PHACTR4: variants seen among roughly 807,000 people sequenced by gnomAD.
PHACTR4 encodes phosphatase and actin regulator 4.
In PHACTR4, 51 loss-of-function variants were observed where a neutral mutation model predicts 72.7. The ratio of observed to expected loss-of-function variants is 0.70; its 90% CI spans 0.56 to 0.89. The LOEUF (loss-of-function observed/expected upper bound fraction) is 0.89, where lower values mean the gene tolerates loss of function less well. Among genes scored for constraint, PHACTR4 ranks in the 40% least tolerant of loss-of-function variants. The probability of loss-of-function intolerance (pLI) is 0.00; values close to 1 mark genes in which losing one functional copy is unlikely to be tolerated. For missense variants in PHACTR4, 731 were observed against 861.8 expected, an observed-to-expected ratio of 0.85 and a Z score of 1.90; for synonymous variants, 255 against 302.5, an observed-to-expected ratio of 0.84 and a Z score of 1.63.
At chr1:28,448,417 GGGAAAGGAAAAA>G (rs1232852126) in intron 2 of PHACTR4, among the ~76,000 whole-genome samples, 10 of 145,386 alleles carry the variant, frequency 6.9e-5, no homozygotes, top group African/African-American at 2.4e-4. Flanking sequence ...GAAAGGAAAG[GGGAAAGGAAAAA>G]GGAAAGGAAA....
intron 9 of PHACTR4, among the ~76,000 whole-genome samples, chr1:28,487,485 G>C: frequency 6.9e-6 from 1 of 143,918 alleles, no homozygotes; most frequent in African/African-American, 2.6e-5. Flanking sequence ...CTGCACTCTA[G>C]CCTGGGTACA....
chr1:28,423,688 T>C (rs567951129), intron 2 of PHACTR4, among the ~76,000 whole-genome samples: 2 of 152,334 alleles, frequency 1.3e-5, no homozygotes, highest in South Asian at 4.1e-4. Context: ...TTGCCAGTTT[T>C]TAACTTAGAC....
intron 2 of PHACTR4, among the ~76,000 whole-genome samples, chr1:28,422,267 A>G (rs1655556898): frequency 6.6e-6 from 1 of 152,210 alleles, no homozygotes; most frequent in South Asian, 2.1e-4. Flanking sequence ...CAGATTGAAA[A>G]TGCTTGGGGA....
chr1:28,411,655 A>C (rs1043356102), intron 2 of PHACTR4, among the ~76,000 whole-genome samples: 6 of 152,212 alleles, frequency 3.9e-5, no homozygotes, highest in African/African-American at 1.4e-4. Context: ...GCTAATAATT[A>C]AGTAGAAATA....
chr1:28,416,081 C>T (rs201297590), intron 2 of PHACTR4, among the ~76,000 whole-genome samples: 307 of 152,124 alleles, frequency 2.0e-3, no homozygotes, highest in Non-Finnish European at 4.0e-3. Context: ...CAAAATATGC[C>T]AGTAACATAG....
Position 28,459,225 on chromosome 1 carries a change from A to C in PHACTR4, c.157A>C (p.Lys53Gln). The C allele has an allele frequency of 6.2e-7, 1 of 1,613,938 alleles. No homozygotes were observed. Among genetic ancestry groups the C allele is most frequent in the Non-Finnish European group, 8.5e-7 (1 of 1,179,946 alleles). The stretch of plus-strand genomic sequence containing the variant: ...CAAGCCCTGGAAATGGAGGAAAAAA[A>C]AAAGTAGTGATAAATTTAAAGAGAC... The part of the protein sequence containing the change: ...IFKPWKWRKK[K>Q]SSDKFKETSE... The change falls in exon 3 of 14, where the codon AAA becomes CAA. Residue 53 changes from lysine (K) to glutamine (Q), a missense_variant. Physicochemically the swap from Lys to Gln is moderately conservative, Grantham distance 53 (BLOSUM62 1). Around this residue, in one of 2 missense-constraint regions of PHACTR4, gnomAD observed 621 missense variants for 676.6 expected, o/e 0.92. Transcript: ENST00000373839.
Position 28,468,063 on chromosome 1 carries a change from C to T in PHACTR4, c.823+1295C>T, listed in dbSNP as rs150750661. On this transcript the variant is annotated intron_variant, in intron 6 of 13. Transcript: ENST00000373839. ...ACCATGTTGGGTGGAGTGATTCAAA[C>T]CTTGAAAAACAGGCTTAGAATATTT... Among the ~76,000 whole-genome samples, 834 of 152,182 alleles carry T rather than the reference C, an allele frequency of 5.5e-3. 9 individuals are homozygous for T. Among genetic ancestry groups the T allele is most frequent in the Admixed American group, 0.018 (282 of 15,260 alleles).
chr1:28,402,351 G>A (rs374107411), intron 1 of PHACTR4, among the ~76,000 whole-genome samples: 1 of 152,136 alleles, frequency 6.6e-6, no homozygotes, highest in Admixed American at 6.6e-5. Context: ...TCCAAATAGA[G>A]TATTGAGTAT....
chr1:28,376,738 G>A (rs1651705982), intron 1 of PHACTR4, among the ~76,000 whole-genome samples: 2 of 151,950 alleles, frequency 1.3e-5, no homozygotes, highest in African/African-American at 4.8e-5. Flanking sequence ...CCGGGTTCAC[G>A]CCATTTTCCT....
Position 28,480,509 on chromosome 1 carries a change from A to G in PHACTR4, c.1665A>G (p.Arg555=), listed in dbSNP as rs1363686066. ...KDTLAMKLNH[R]PSEPELNLNS... ...CACTGGCAATGAAGTTGAACCACAG[A>G]CCCAGTGAACCAGAGTTGAACCTGA... The change falls in exon 9 of 14, where the codon AGA becomes AGG. Residue 555 remains arginine, a synonymous_variant. Transcript: ENST00000373839. 3 of 1,614,196 alleles carry G rather than the reference A, an allele frequency of 1.9e-6. No homozygotes were observed. Among genetic ancestry groups the G allele is most frequent in the Non-Finnish European group, 1.7e-6 (2 of 1,180,024 alleles).
At chr1:28,451,749 T>A (rs1352474635) in intron 2 of PHACTR4, among the ~76,000 whole-genome samples, 1 of 151,960 alleles carries the variant, frequency 6.6e-6, no homozygotes, top group Non-Finnish European at 1.5e-5. Flanking sequence ...GATCAAAGGA[T>A]CCTCCTGCCC....
chr1:28,404,576 C>T (rs991495090), intron 1 of PHACTR4, among the ~76,000 whole-genome samples: 2 of 152,298 alleles, frequency 1.3e-5, no homozygotes, highest in Non-Finnish European at 2.9e-5. Flanking sequence ...AGCCACCGCA[C>T]CTGGCCTTGA....
chr1:28,385,907 G>A (rs1406396450), intron 1 of PHACTR4, among the ~76,000 whole-genome samples: 48 of 151,956 alleles, frequency 3.2e-4, no homozygotes, highest in Admixed American at 3.1e-3. Context: ...AAGCCACCAC[G>A]CCCGGCTGGT....
chr1:28,397,687 G>GA (rs1486282304), intron 1 of PHACTR4, among the ~76,000 whole-genome samples: 5 of 148,332 alleles, frequency 3.4e-5, no homozygotes, highest in Non-Finnish European at 7.4e-5. Context: ...GGGTAATTGA[G>GA]AAAAAAATAA....
At chr1:28,483,941 C>T (rs1273452403) in intron 9 of PHACTR4, among the ~76,000 whole-genome samples, 3 of 151,404 alleles carry the variant, frequency 2.0e-5, no homozygotes, top group Non-Finnish European at 2.9e-5. Flanking sequence ...CTATAATCTC[C>T]GTACTTTGGG....
At chr1:28,404,656 T>G (rs1290567192) in intron 1 of PHACTR4, among the ~76,000 whole-genome samples, 3 of 152,172 alleles carry the variant, frequency 2.0e-5, no homozygotes, top group Non-Finnish European at 2.9e-5. Flanking sequence ...GTTTAACTGT[T>G]TGGGGAACTG....
intron 2 of PHACTR4, among the ~76,000 whole-genome samples, chr1:28,431,022 C>CA (rs1557809028): frequency 2.7e-5 from 4 of 150,062 alleles, no homozygotes; most frequent in Admixed American, 2.0e-4. Context: ...CTAAAAAATA[C>CA]AAAAAAATTA....
rs572691800 is a variant in PHACTR4, at chr1:28,472,996, C to T, written c.824-558C>T. Among the ~76,000 whole-genome samples the T allele has an allele frequency of 2.7e-5, 4 of 150,104 alleles. 1 individual carries two copies. In the South Asian group the frequency reaches 8.6e-4, roughly 32 times the overall value. ...GATCAAGTTACAAAAAGTTGTCAGC[C>T]GGGTGCCATGGCTCACGCCTGTAAT... On this transcript the variant is annotated intron_variant, in intron 6 of 13. Coordinates refer to ENST00000373839, the MANE Select transcript of PHACTR4 (RefSeq NM_001048183.3).
rs1474117506 is a variant in PHACTR4 at position 28,455,209 on chromosome 1, T to C, written c.17-3876T>C. On this transcript the variant is annotated intron_variant, in intron 2 of 13. Transcript: ENST00000373839. The stretch of plus-strand genomic sequence containing the variant: ...CTTTTTCTTTCTTTCTTTTTTTTTT[T>C]TTTTTTTTTGAGACAGAGTTTTGCT... Among the ~76,000 whole-genome samples the C allele has an allele frequency of 8.2e-4, 119 of 145,104 alleles. 1 individual carries two copies. Among genetic ancestry groups the C allele is most frequent in the Admixed American group, 1.4e-3 (21 of 14,608 alleles).
Sources: allele counts gnomAD v4.1 joint callset (sites outside exome capture counted in the v4.1 genomes callset), GRCh38; gene constraint gnomAD v4.1.1; regional missense constraint gnomAD v4.1.1; transcripts MANE v1.5; gene names NCBI Gene and HGNC (gene_info 2026-07-23, HGNC 2026-07-21).